The following MAP3K5 variants were observed in gnomAD, a reference collection of about 807,000 sequenced individuals.
MAP3K5 encodes ASK-1.
In MAP3K5, 56 loss-of-function variants were observed where a neutral mutation model predicts 158.7. That is an observed-to-expected ratio of 0.35 (90% CI 0.28 to 0.44). The LOEUF is 0.44. Ranked by LOEUF, MAP3K5 falls within the 20% of genes least tolerant of loss-of-function variation. MAP3K5 has a pLI of 1.00. For missense variants in MAP3K5, 1,294 were observed against 1,674.8 expected (o/e 0.77, Z 3.97); for synonymous variants, 579 against 601.7 (o/e 0.96, Z 0.55).
intron 7 of MAP3K5, among the ~76,000 whole-genome samples, chr6:136,693,838 A>C (rs1341293128): frequency 2.6e-5 from 4 of 152,190 alleles, no homozygotes; most frequent in Non-Finnish European, 2.9e-5. Context: ...AAAATGTAAA[A>C]ATTAGTGGGC....
At chr6:136,753,522 G>A (rs1288626977) in intron 1 of MAP3K5, among the ~76,000 whole-genome samples, 1 of 151,806 alleles carries the variant, frequency 6.6e-6, no homozygotes, top group Non-Finnish European at 1.5e-5. Context: ...GAATCTAAAA[G>A]GACCAGAAAG....
chr6:136,722,244 C>T (rs1489896336), intron 1 of MAP3K5, among the ~76,000 whole-genome samples: 1 of 152,100 alleles, frequency 6.6e-6, no homozygotes, highest in African/African-American at 2.4e-5. Context: ...GCTTCCTTTG[C>T]AATTGCAATA....
intron 1 of MAP3K5, among the ~76,000 whole-genome samples, chr6:136,756,238 A>AGTT (rs1783476762): frequency 3.3e-5 from 5 of 152,190 alleles, no homozygotes; most frequent in South Asian, 4.1e-4. Context: ...GGATCACTTA[A>AGTT]GCCTGGTAGG....
At chr6:136,779,787 C>A (rs1184860681) in intron 1 of MAP3K5, among the ~76,000 whole-genome samples, 1 of 152,210 alleles carries the variant, frequency 6.6e-6, no homozygotes, top group Non-Finnish European at 1.5e-5. Context: ...TTGGTTATGG[C>A]CACATGGCTT....
chr6:136,645,829 AAT>A (rs199916909), intron 11 of MAP3K5, among the ~76,000 whole-genome samples: 2,764 of 152,282 alleles, frequency 0.018, 86 homozygotes, highest in African/African-American at 0.063. Context: ...TTAGAATAAA[AAT>A]AGTGAGAGGA....
At chr6:136,600,454 A>G (rs1315063510) in intron 21 of MAP3K5, among the ~76,000 whole-genome samples, 1 of 152,092 alleles carries the variant, frequency 6.6e-6, no homozygotes, top group African/African-American at 2.4e-5. Context: ...TCGGCCTCCC[A>G]AAGTGCTAAG....
chr6:136,587,586 A>G (rs965358231), intron 23 of MAP3K5, among the ~76,000 whole-genome samples: 2 of 152,158 alleles, frequency 1.3e-5, no homozygotes, highest in South Asian at 2.1e-4. Flanking sequence ...TACTGCCCCA[A>G]TGACCTGCAA....
At chr6:136,643,156 C>A (rs1425710055) in intron 11 of MAP3K5, among the ~76,000 whole-genome samples, 1 of 152,028 alleles carries the variant, frequency 6.6e-6, no homozygotes, top group Non-Finnish European at 1.5e-5. Context: ...GTATGAACAT[C>A]AAAAATTTGA....
At chr6:136,657,357 C>G (rs1338212073) in intron 9 of MAP3K5, among the ~76,000 whole-genome samples, 1 of 152,028 alleles carries the variant, frequency 6.6e-6, no homozygotes, top group Non-Finnish European at 1.5e-5. Flanking sequence ...GTTAGTGGAA[C>G]CTTAAGGCAC....
rs566794404 is a variant in MAP3K5 at position 136,580,080 on chromosome 6, C to A, written c.3517+221G>T. On this transcript the variant is annotated intron_variant, in intron 25 of 29. Coordinates refer to ENST00000359015, the MANE Select transcript of MAP3K5 (RefSeq NM_005923.4). ...TTTCTCTTCACATCTAAACACATTC[C>A]TTAAAGACAGGGGAAGCAAGTCTTC... is the stretch of plus-strand genomic sequence containing the variant. 8.5e-5 allele frequency among the ~76,000 whole-genome samples: 13 copies of A among 152,236 alleles called. No individual in the cohort carries two copies. The South Asian group carries it at 1.2e-3, about 15-fold the overall frequency.
intron 25 of MAP3K5, among the ~76,000 whole-genome samples, chr6:136,568,147 T>A (rs1293637659): frequency 6.6e-6 from 1 of 152,178 alleles, no homozygotes; most frequent in African/African-American, 2.4e-5. Flanking sequence ...CATAGTCACA[T>A]TGCACATATG....
At chr6:136,752,135 A>G (rs1235583491) in intron 1 of MAP3K5, among the ~76,000 whole-genome samples, 1 of 151,594 alleles carries the variant, frequency 6.6e-6, no homozygotes, top group Non-Finnish European at 1.5e-5. Flanking sequence ...TCATTCATGC[A>G]CTCCACAATG....
At chr6:136,634,540 A>G (rs1299571998) in intron 14 of MAP3K5, among the ~76,000 whole-genome samples, 1 of 152,150 alleles carries the variant, frequency 6.6e-6, no homozygotes, top group Non-Finnish European at 1.5e-5. Context: ...TTCTAATGAA[A>G]TGCAAAGGAT....
chr6:136,601,769 T>A, intron 20 of MAP3K5, 33 bp downstream of exon 20: 1 of 1,600,230 alleles, frequency 6.2e-7, no homozygotes, highest in Admixed American at 1.7e-5. Context: ...ATTGAAGGAC[T>A]CAGACTATAT....
intron 12 of MAP3K5, among the ~76,000 whole-genome samples, chr6:136,641,520 T>A (rs1048465606): frequency 6.6e-6 from 1 of 152,024 alleles, no homozygotes; most frequent in Non-Finnish European, 1.5e-5. Context: ...AATATATATA[T>A]ATTATTTCTA....
At chr6:136,593,128 CTG>C (rs1258031808) in intron 21 of MAP3K5, among the ~76,000 whole-genome samples, 2 of 152,144 alleles carry the variant, frequency 1.3e-5, no homozygotes, top group African/African-American at 4.8e-5. Context: ...AATATGCTGA[CTG>C]TCATATATCA....
intron 10 of MAP3K5, among the ~76,000 whole-genome samples, chr6:136,652,942 T>A (rs1272773553): frequency 6.6e-6 from 1 of 152,244 alleles, no homozygotes; most frequent in African/African-American, 2.4e-5. Flanking sequence ...GACAAAGTCT[T>A]AAAGGTAGAT....
intron 26 of MAP3K5, among the ~76,000 whole-genome samples, chr6:136,564,315 G>A (rs59307206): frequency 0.12 from 18,197 of 152,194 alleles, 1,148 homozygotes; most frequent in East Asian, 0.16. Flanking sequence ...GCAGAGGTGG[G>A]ACAAAAGTAA....
chr6:136,716,306 C>T lies in MAP3K5; in HGVS notation c.588+4144G>A, dbSNP rs1019106988. 6.6e-5 allele frequency among the ~76,000 whole-genome samples: 10 copies of T among 152,222 alleles called. No individual in the cohort carries two copies. In the East Asian group the frequency reaches 1.4e-3, roughly 21 times the overall value. ...CCACCAGCAGTGTGTAGGTTTCCCA[C>T]TCTCCACAATCTGGCCATCTGTAGT... On this transcript the variant is annotated intron_variant, in intron 2 of 29. Transcript: ENST00000359015.
Sources: gnomAD v4.1 joint callset for allele counts (sites outside exome capture counted in the v4.1 genomes callset) on GRCh38, gnomAD v4.1.1 for gene constraint, MANE v1.5 for transcripts, NCBI Gene and HGNC (gene_info 2026-07-23, HGNC 2026-07-21) for gene names.